The following GPBP1L1 variants were observed in gnomAD, a reference collection of about 807,000 sequenced individuals.
GPBP1L1 encodes vasculin-like protein 1.
GPBP1L1 carries 23 observed loss-of-function variants against 52.5 expected under a neutral mutation model. The ratio of observed to expected loss-of-function variants is 0.44; its 90% CI spans 0.32 to 0.62. The LOEUF is 0.62. Among genes scored for constraint, GPBP1L1 ranks in the 20% least tolerant of loss-of-function variants. The pLI is 0.06. For synonymous variants in GPBP1L1, 243 were observed against 203.1 expected, an observed-to-expected ratio of 1.20 and a Z score of -1.67; for missense variants, 596 against 579.3, an observed-to-expected ratio of 1.03 and a Z score of -0.30.
chr1:45,666,851 G>A (rs1401469599), intron 2 of GPBP1L1, among the ~76,000 whole-genome samples: 3 of 152,090 alleles, frequency 2.0e-5, no homozygotes, highest in South Asian at 2.1e-4. Flanking sequence ...CACACCACAG[G>A]CTATTATTCA....
intron 6 of GPBP1L1, among the ~76,000 whole-genome samples, chr1:45,649,078 T>C (rs1288821799): frequency 6.6e-6 from 1 of 152,006 alleles, no homozygotes; most frequent in Non-Finnish European, 1.5e-5. Context: ...ACCTGCTGCA[T>C]GAGATCAGGT....
chr1:45,687,459 G>C (rs1377324807), upstream of GPBP1L1: 1 of 152,358 alleles, frequency 6.6e-6, no homozygotes, highest in Non-Finnish European at 1.5e-5. Context: ...CGGAGGATTG[G>C]AGGGACTGGC....
chr1:45,651,486 T>C (rs377540411), intron 6 of GPBP1L1: 14 of 468,648 alleles, frequency 3.0e-5, no homozygotes, highest in South Asian at 6.6e-5. Flanking sequence ...CCTGGGCCAA[T>C]AGCCTCTGCT....
chr1:45,673,656 TCAAGACCAACCTGAC>T (rs1347223806), intron 2 of GPBP1L1, among the ~76,000 whole-genome samples: 1 of 152,144 alleles, frequency 6.6e-6, no homozygotes, highest in Non-Finnish European at 1.5e-5. Flanking sequence ...GGTCAGGAGT[TCAAGACCAACCTGAC>T]CAATATGGTG....
At chr1:45,643,237 C>T (rs1026678648) in intron 6 of GPBP1L1, among the ~76,000 whole-genome samples, 1 of 152,126 alleles carries the variant, frequency 6.6e-6, no homozygotes, top group African/African-American at 2.4e-5. Flanking sequence ...ATATTCAGGT[C>T]TGCAAATAGT....
intron 2 of GPBP1L1, among the ~76,000 whole-genome samples, chr1:45,673,713 T>G (rs532541607): frequency 6.6e-6 from 1 of 152,202 alleles, no homozygotes; most frequent in African/African-American, 2.4e-5. Context: ...TACAAAAAAA[T>G]TAGCCAGGCG....
At chr1:45,629,454 T>TTTCCCCCCCCC (rs758811981) in intron 12 of GPBP1L1, 122 bp downstream of exon 12, 5 of 117,614 alleles carry the variant, frequency 4.3e-5, no homozygotes, top group Admixed American at 1.1e-4. Flanking sequence ...ACTAAGGTAA[T>TTTCCCCCCCCC]CCCCCCCCCC....
intron 2 of GPBP1L1, among the ~76,000 whole-genome samples, chr1:45,665,594 A>C (rs1006770815): frequency 1.3e-5 from 2 of 151,526 alleles, no homozygotes; most frequent in Admixed American, 1.3e-4. Context: ...TACAAAAACT[A>C]GCCGGGTGTG....
At chr1:45,629,954 CT>C (rs529687758) in intron 11 of GPBP1L1, among the ~76,000 whole-genome samples, 452 of 140,730 alleles carry the variant, frequency 3.2e-3, no homozygotes, top group Middle Eastern at 0.011. Flanking sequence ...TGCAGTCTGG[CT>C]TTTTTTTTTT....
chr1:45,676,225 T>A (rs1008089899), intron 2 of GPBP1L1, among the ~76,000 whole-genome samples: 1 of 152,192 alleles, frequency 6.6e-6, no homozygotes, highest in African/African-American at 2.4e-5. Flanking sequence ...AATATGAAAT[T>A]TGAGCAAGTC....
At chr1:45,678,473 C>CT (rs1347050842) in intron 2 of GPBP1L1, among the ~76,000 whole-genome samples, 7 of 152,132 alleles carry the variant, frequency 4.6e-5, no homozygotes, top group African/African-American at 1.7e-4. Flanking sequence ...ATTACAATGT[C>CT]TTTTGTGATA....
chr1:45,637,920 A>G (rs1424946238), intron 8 of GPBP1L1, among the ~76,000 whole-genome samples: 1 of 152,202 alleles, frequency 6.6e-6, no homozygotes, highest in Non-Finnish European at 1.5e-5. Context: ...TTTATAGAAG[A>G]AGAAACTGAG....
intron 3 of GPBP1L1, among the ~76,000 whole-genome samples, chr1:45,659,644 AGTAGAAAAGAT>A (rs1644924584): frequency 2.0e-5 from 3 of 152,222 alleles, no homozygotes; most frequent in African/African-American, 7.2e-5. Context: ...TAGCAAAAGC[AGTAGAAAAGAT>A]CTTCTTGGCT....
rs1569734084 is a variant in GPBP1L1, at chr1:45,628,143, C to T, written c.*113G>A. 2 of 1,016,250 alleles carry T rather than the reference C, an allele frequency of 2.0e-6. No individual in the cohort carries two copies. The highest frequency in any genetic ancestry group is 2.9e-6 in the Non-Finnish European group (2 of 682,546). 63.0% of individuals were successfully genotyped at this position (1,016,250 alleles called of 1,614,324 possible). A position where few individuals can be genotyped will look rare whatever the true frequency, so the allele number is the denominator to read the frequency against. Reference sequence around the variant, plus strand: ...CTCTCTTTGGGATATGATTATTTCCCTTGTGAATGAAGTATTCAACAACAT... The same window carrying T: ...CTCTCTTTGGGATATGATTATTTCCTTTGTGAATGAAGTATTCAACAACAT... On this transcript the variant is annotated 3_prime_UTR_variant, in exon 13 of 13. Transcript: ENST00000355105.
At chr1:45,677,970 C>T (rs1016855154) in intron 2 of GPBP1L1, among the ~76,000 whole-genome samples, 2 of 152,158 alleles carry the variant, frequency 1.3e-5, no homozygotes, top group African/African-American at 4.8e-5. Context: ...ACCCATTAAT[C>T]CTAATCACCC....
rs532125619 is a variant in GPBP1L1, at chr1:45,654,360, T to C, written c.477+183A>G. ...GATGAAAAATTTGCTACAAGTTACA[T>C]AGGAGTTTTGGTCACCATTTTCAAA... is the stretch of plus-strand genomic sequence containing the variant. On this transcript the variant is annotated intron_variant, in intron 6 of 12. Coordinates refer to ENST00000355105, the MANE Select transcript of GPBP1L1 (RefSeq NM_021639.5). 1.3e-5 allele frequency: 7 copies of C among 534,726 alleles called. No individual in the cohort carries two copies. In the South Asian group the frequency reaches 1.7e-4, roughly 13 times the overall value. The allele number at this position is 534,726 out of a possible 1,614,324, so 33.1% of individuals were successfully genotyped here. A position where few individuals can be genotyped will look rare whatever the true frequency, so the allele number is the denominator to read the frequency against.
At chr1:45,680,558 T>TTA (rs956904495) in intron 2 of GPBP1L1, among the ~76,000 whole-genome samples, 1 of 151,484 alleles carries the variant, frequency 6.6e-6, no homozygotes, top group Non-Finnish European at 1.5e-5. Flanking sequence ...TTTTTTTTTT[T>TTA]AAAAAGAATC....
intron 12 of GPBP1L1, 31 bp from the exon 13 acceptor site, chr1:45,628,439 G>GA: frequency 2.5e-6 from 4 of 1,601,734 alleles, no homozygotes; most frequent in Non-Finnish European, 2.6e-6. Context: ...AAAGAAAAAA[G>GA]AAAAAAATAT....
chr1:45,636,357 C>A (rs1644594590), intron 8 of GPBP1L1, among the ~76,000 whole-genome samples: 2 of 152,154 alleles, frequency 1.3e-5, no homozygotes, highest in South Asian at 4.1e-4. Flanking sequence ...AGGTGAATTT[C>A]ATTAGAAAAA....
Sources: gnomAD v4.1 joint callset for allele counts (sites outside exome capture counted in the v4.1 genomes callset) on GRCh38, gnomAD v4.1.1 for gene constraint, MANE v1.5 for transcripts, NCBI Gene and HGNC (gene_info 2026-07-23, HGNC 2026-07-21) for gene names.